Variants in PTCHD1 observed in about 807,000 individuals in gnomAD.
PTCHD1 encodes patched domain-containing protein 1.
PTCHD1 carries 3 observed loss-of-function variants against 34.6 expected under a neutral mutation model. The ratio of observed to expected loss-of-function variants is 0.09; its 90% CI spans 0.04 to 0.22. PTCHD1 has a LOEUF of 0.22. PTCHD1 is among the 10% of genes least tolerant of loss of function. PTCHD1 has a pLI of 1.00. For synonymous variants in PTCHD1, 305 were observed against 283.1 expected, an observed-to-expected ratio of 1.08 and a Z score of -0.77; for missense variants, 504 against 685.5, an observed-to-expected ratio of 0.74 and a Z score of 2.96.
intron 1 of PTCHD1, among the ~76,000 whole-genome samples, chrX:23,345,719 T>TA (rs1350042206): frequency 8.1e-4 from 90 of 111,440 alleles, no homozygotes; most frequent in African/African-American, 2.9e-3. Context: ...CTATAAAGTA[T>TA]CCTAGAAATT....
Position 23,341,965 on chromosome X carries a change from T to C in PTCHD1, c.351+6739T>C, listed in dbSNP as rs1321333647. On this transcript the variant is annotated intron_variant, in intron 1 of 2. Transcript: ENST00000379361. The stretch of plus-strand genomic sequence containing the variant: ...CTTCAAGTACAGTTAAGATGATTTA[T>C]GTAAGTGCAGTCGGTTATCTTGGGA... Among the ~76,000 whole-genome samples, 3 of 110,972 alleles carry C rather than the reference T, an allele frequency of 2.7e-5. No homozygotes were observed. The East Asian group carries it at 8.5e-4, about 31-fold the overall frequency.
chrX:23,353,230 G>C (rs1921692311), intron 1 of PTCHD1, among the ~76,000 whole-genome samples: 1 of 112,597 alleles, frequency 8.9e-6, no homozygotes, highest in South Asian at 3.6e-4. Context: ...AGCTGAGTAA[G>C]GGATACATGG....
At chrX:23,359,635 T>G (rs1253826399) in intron 1 of PTCHD1, among the ~76,000 whole-genome samples, 1 of 112,085 alleles carries the variant, frequency 8.9e-6, no homozygotes, top group Non-Finnish European at 1.9e-5. Context: ...TTGAATACCC[T>G]TTATTTCTTT....
intron 1 of PTCHD1, among the ~76,000 whole-genome samples, chrX:23,368,398 C>CAGT (rs900210867): frequency 2.7e-5 from 3 of 112,037 alleles, no homozygotes; most frequent in African/African-American, 9.7e-5. Context: ...GCATGTAGCA[C>CAGT]AGTAGCCTTT....
At chrX:23,335,339 G>A in intron 1 of PTCHD1, 113 bp downstream of exon 1, 2 of 633,147 alleles carry the variant, frequency 3.2e-6, no homozygotes, top group Non-Finnish European at 2.5e-6. Context: ...GGCAGCTGCC[G>A]CAGGGACTCT....
At chrX:23,373,273 T>C (rs1319578842) in intron 1 of PTCHD1, among the ~76,000 whole-genome samples, 3 of 112,134 alleles carry the variant, frequency 2.7e-5, no homozygotes, top group African/African-American at 9.7e-5. Context: ...GCAATAAGAG[T>C]GTTTACCACC....
intron 1 of PTCHD1, among the ~76,000 whole-genome samples, chrX:23,345,302 C>T (rs960549050): frequency 1.8e-5 from 2 of 112,000 alleles, no homozygotes; most frequent in Admixed American, 1.9e-4. Flanking sequence ...AAACTTTGTA[C>T]TTCTGAATTC....
At chrX:23,365,086 T>TC (rs1922104217) in intron 1 of PTCHD1, among the ~76,000 whole-genome samples, 1 of 111,536 alleles carries the variant, frequency 9.0e-6, no homozygotes, top group Admixed American at 9.5e-5. Context: ...CTGGACTGTG[T>TC]CCCAAATGAG....
intron 1 of PTCHD1, among the ~76,000 whole-genome samples, chrX:23,371,564 C>T (rs1325074177): frequency 9.0e-6 from 1 of 111,412 alleles, no homozygotes. Flanking sequence ...GTTAGTGCCC[C>T]AGTATTTCCA....
At position 23,399,170 on chromosome X, in the gene PTCHD1, C is replaced by A. The variant is rs776317197; in HGVS notation, c.*4985C>A. Reference sequence around the variant, plus strand: ...AATCTTTGGTTAGAATTAAGCCTACCCCTTTGTTTTTCACATGAGAAAACT... The same window carrying A: ...AATCTTTGGTTAGAATTAAGCCTACACCTTTGTTTTTCACATGAGAAAACT... On this transcript the variant is annotated 3_prime_UTR_variant, in exon 3 of 3. Coordinates refer to ENST00000379361, the MANE Select transcript of PTCHD1 (RefSeq NM_173495.3). 4.5e-5 allele frequency: 5 copies of A among 111,587 alleles called. No individual in the cohort carries two copies. The highest frequency in any genetic ancestry group is 7.5e-5 in the Non-Finnish European group (4 of 53,156). The allele number at this position is 111,587 out of a possible 1,213,427, so 9.2% of individuals were successfully genotyped here. A position where few individuals can be genotyped will look rare whatever the true frequency, so the allele number is the denominator to read the frequency against.
At position 23,396,242 on chromosome X, in the gene PTCHD1, TTC is replaced by T. The variant is rs1184952882; in HGVS notation, c.*2061_*2062del. 8.9e-6 allele frequency: 1 copy of T among 112,275 alleles called. No homozygotes were observed. The highest frequency in any genetic ancestry group is 3.3e-5 in the African/African-American group (1 of 30,768). The allele number at this position is 112,275 out of a possible 1,213,427, so 9.3% of individuals were successfully genotyped here. A position where few individuals can be genotyped will look rare whatever the true frequency, so the allele number is the denominator to read the frequency against. ...TAATGCATTACACAGTCGTTCAGTCTTCTCTGCAGACACACTAAGTGATCATA... is the reference window on the plus strand; with the variant it reads ...TAATGCATTACACAGTCGTTCAGTCTTCTGCAGACACACTAAGTGATCATA... On this transcript the variant is annotated 3_prime_UTR_variant, in exon 3 of 3. Coordinates refer to ENST00000379361, the MANE Select transcript of PTCHD1 (RefSeq NM_173495.3).
In PTCHD1 at chrX:23,387,127, A is replaced by C. The variant is rs1045064987; in HGVS notation, c.1013-5404A>C. Among the ~76,000 whole-genome samples the C allele has an allele frequency of 7.1e-5, 8 of 112,602 alleles. No individual in the cohort carries two copies. In the South Asian group the frequency reaches 3.0e-3, roughly 42 times the overall value. On this transcript the variant is annotated intron_variant, in intron 2 of 2. Coordinates refer to ENST00000379361, the MANE Select transcript of PTCHD1 (RefSeq NM_173495.3). The stretch of plus-strand genomic sequence containing the variant: ...GATTATTCATTGAAAACCAAACAAC[A>C]ACAAAAAAATCACCCAGACTGTCTC...
At chrX:23,362,335 C>T (rs1399335126) in intron 1 of PTCHD1, among the ~76,000 whole-genome samples, 5 of 112,046 alleles carry the variant, frequency 4.5e-5, no homozygotes, top group African/African-American at 1.6e-4. Context: ...TTCTTGAAGG[C>T]TTTGTTCGTT....
At chrX:23,370,073 A>C (rs1181885134) in intron 1 of PTCHD1, among the ~76,000 whole-genome samples, 2 of 112,674 alleles carry the variant, frequency 1.8e-5, no homozygotes, top group African/African-American at 6.4e-5. Flanking sequence ...TTGCTATCAG[A>C]CATTTACTGG....
In PTCHD1 at chrX:23,342,297, TATATATATATA is replaced by T. The variant is rs1188883009; in HGVS notation, c.351+7072_351+7082del. Among the ~76,000 whole-genome samples, 46 of 8,146 alleles carry T rather than the reference TATATATATATA, an allele frequency of 5.6e-3. No homozygotes were observed. The East Asian group carries it at 0.066, about 12-fold the overall frequency. The allele number at this position is 8,146 out of a possible 115,157, so 7.1% of individuals were successfully genotyped here. On this transcript the variant is annotated intron_variant, in intron 1 of 2. Coordinates refer to ENST00000379361, the MANE Select transcript of PTCHD1 (RefSeq NM_173495.3). ...ATATATATATATATATATATATATATATATATATATATATTTTTTTTTTTTTTTTTTTTTTA... is the reference window on the plus strand; with the variant it reads ...ATATATATATATATATATATATATATTATTTTTTTTTTTTTTTTTTTTTTA...
At chrX:23,334,750 TCGCCGCCGCCGCCGTCGC>T (rs1373607976), upstream of PTCHD1, 2 of 126,432 alleles carry the variant, frequency 1.6e-5, no homozygotes, top group African/African-American at 3.5e-5. Context: ...GCTCAGGGTC[TCGCCGCCGCCGCCGTCGC>T]CGCCGCCGCG....
At chrX:23,351,490 G>A (rs1601904700) in intron 1 of PTCHD1, 4 of 460,943 alleles carry the variant, frequency 8.7e-6, no homozygotes, top group Non-Finnish European at 4.0e-6. Context: ...TCTGAAATTT[G>A]TCATGTTTTG....
chrX:23,380,166 G>C lies in PTCHD1; in HGVS notation c.927G>C (p.Leu309=), dbSNP rs758235274. The C allele has an allele frequency of 5.8e-6, 7 of 1,209,265 alleles. No individual in the cohort carries two copies. In the Admixed American group the frequency reaches 1.5e-4, roughly 26 times the overall value. ...TGCTCGGATTGGTGACCATAAGCCT[G>C]GCCACTCTCACTGCAGCCGGGATCA... ...LGLLGLVTIS[L]ATLTAAGIIN... The change falls in exon 2 of 3, where the codon CTG becomes CTC. Residue 309 remains leucine, a synonymous_variant. Transcript: ENST00000379361.
rs189861526 is a variant in PTCHD1, at chrX:23,362,595, T to C, written c.352-16996T>C. 3.6e-4 allele frequency among the ~76,000 whole-genome samples: 40 copies of C among 112,194 alleles called. 2 individuals carry two copies. The East Asian group carries it at 4.2e-3, about 12-fold the overall frequency. On this transcript the variant is annotated intron_variant, in intron 1 of 2. Coordinates refer to ENST00000379361, the MANE Select transcript of PTCHD1 (RefSeq NM_173495.3). Reference sequence around the variant, plus strand: ...ACATCCTCCTTTAGCTCGGAGAAGTTTGTAATTACCGACCTTCTGAAGTCT... The same window carrying C: ...ACATCCTCCTTTAGCTCGGAGAAGTCTGTAATTACCGACCTTCTGAAGTCT...
Sources: allele counts gnomAD v4.1 joint callset (sites outside exome capture counted in the v4.1 genomes callset), GRCh38; gene constraint gnomAD v4.1.1; transcripts MANE v1.5; gene names NCBI Gene and HGNC (gene_info 2026-07-23, HGNC 2026-07-21).